ARID1B: variants seen among roughly 807,000 people sequenced by gnomAD.
The protein encoded by ARID1B is AT-rich interactive domain-containing protein 1B.
ARID1B carries 30 observed loss-of-function variants against 212.3 expected under a neutral mutation model. The ratio of observed to expected loss-of-function variants is 0.14; its 90% CI spans 0.11 to 0.19. The LOEUF (loss-of-function observed/expected upper bound fraction) is 0.19. ARID1B is among the 10% of genes least tolerant of loss of function. The pLI, the probability that ARID1B is intolerant of heterozygous loss-of-function variation, is 1.00. For synonymous variants in ARID1B, 1,402 were observed against 1,301.7 expected, an observed-to-expected ratio of 1.08 and a Z score of -1.66; for missense variants, 2,891 against 3,204.0, an observed-to-expected ratio of 0.90 and a Z score of 2.36.
intron 9 of ARID1B, among the ~76,000 whole-genome samples, chr6:157,170,498 C>T (rs553088163): frequency 1.3e-5 from 2 of 152,300 alleles, no homozygotes; most frequent in South Asian, 2.1e-4. Flanking sequence ...AATTGCTGCC[C>T]TCCCACCATA....
At chr6:157,147,800 T>C (rs188936585) in intron 7 of ARID1B, among the ~76,000 whole-genome samples, 34 of 2,980 alleles carry the variant, frequency 0.011, no homozygotes, top group Admixed American at 0.024. Context: ...GTCCCTCACC[T>C]CCGCCTCCGG....
chr6:156,778,895 A>AGGAGGCAGC lies in ARID1B; in HGVS notation c.1220_1221insCAGCGGAGG (p.Gly407_Gly408insSerGlyGly). 1 of 1,339,626 alleles carries AGGAGGCAGC rather than the reference A, an allele frequency of 7.5e-7. No homozygotes were observed. The highest frequency in any genetic ancestry group is 9.6e-7 in the Non-Finnish European group (1 of 1,045,954). The allele number at this position is 1,339,626 out of a possible 1,614,324, so 83.0% of individuals were successfully genotyped here. On this transcript the variant is annotated inframe_insertion, in exon 1 of 20. Transcript: ENST00000636930. ...GCGGAGGAGGAGGAGGCAGCGGAGGAGGAGGAGGAGGAGGAGGAGCAGGAG... is the reference window on the plus strand; with the variant it reads ...GCGGAGGAGGAGGAGGCAGCGGAGGAGGAGGCAGCGGAGGAGGAGGAGGAGGAGCAGGAG...
chr6:157,052,359 C>A (rs1252132732), intron 4 of ARID1B, among the ~76,000 whole-genome samples: 1 of 152,162 alleles, frequency 6.6e-6, no homozygotes, highest in Non-Finnish European at 1.5e-5. Flanking sequence ...ACCAAGTCGG[C>A]CTGTTGGACT....
At chr6:156,935,796 A>ACTG in intron 4 of ARID1B, 1 of 456,614 alleles carries the variant, frequency 2.2e-6, no homozygotes, top group South Asian at 2.5e-5. Context: ...GAGTGTAGAC[A>ACTG]TCAGTTGGAA....
At chr6:157,195,487 T>G (rs1246890891) in intron 15 of ARID1B, 1 of 152,274 alleles carries the variant, frequency 6.6e-6, no homozygotes, top group Non-Finnish European at 1.5e-5. Context: ...AAGGGCTACC[T>G]GGACAATCTC....
chr6:157,176,905 T>G (rs558879082), intron 11 of ARID1B, among the ~76,000 whole-genome samples: 1 of 152,342 alleles, frequency 6.6e-6, no homozygotes, highest in South Asian at 2.1e-4. Context: ...TAGACCATAT[T>G]ATATTGTTTA....
chr6:156,783,139 A>G (rs1036513824), intron 1 of ARID1B, among the ~76,000 whole-genome samples: 4 of 151,878 alleles, frequency 2.6e-5, no homozygotes, highest in African/African-American at 9.7e-5. Context: ...CTGCTTGTCT[A>G]TATTTAGTCA....
In ARID1B at chr6:157,086,579, G is replaced by A. The variant is rs190204932; in HGVS notation, c.2491+1674G>A. Among the ~76,000 whole-genome samples the A allele has an allele frequency of 6.1e-3, 928 of 152,300 alleles. 12 individuals carry two copies. The highest frequency in any genetic ancestry group is 0.021 in the African/African-American group (861 of 41,544). On this transcript the variant is annotated intron_variant, in intron 5 of 19. Coordinates refer to ENST00000636930, the MANE Select transcript of ARID1B (RefSeq NM_001374828.1). ...CTTTCTTGAGGTATAAAGATATAAT[G>A]CTTTTAAATTTTAAATTCCTGACAT... is the stretch of plus-strand genomic sequence containing the variant.
chr6:156,786,509 A>G (rs1360673229), intron 1 of ARID1B, among the ~76,000 whole-genome samples: 1 of 152,180 alleles, frequency 6.6e-6, no homozygotes, highest in Non-Finnish European at 1.5e-5. Flanking sequence ...TTGGAATTGT[A>G]CTGGAATTGC....
At chr6:156,950,162 A>G (rs1229096535) in intron 4 of ARID1B, among the ~76,000 whole-genome samples, 1 of 152,214 alleles carries the variant, frequency 6.6e-6, no homozygotes, top group African/African-American at 2.4e-5. Flanking sequence ...ATTTCAGCTC[A>G]TGGTATTACT....
At chr6:157,154,589 T>TG (rs1283542131) in intron 8 of ARID1B, among the ~76,000 whole-genome samples, 9 of 146,070 alleles carry the variant, frequency 6.2e-5, no homozygotes, top group African/African-American at 2.0e-4. Context: ...TGTTTTTTTT[T>TG]TTTTTTTTTG....
At position 156,778,822 on chromosome 6, in the gene ARID1B, A is replaced by G; in HGVS notation, c.1142A>G (p.Tyr381Cys). The G allele has an allele frequency of 6.9e-7, 1 of 1,450,126 alleles. No individual in the cohort carries two copies. The highest frequency in any genetic ancestry group is 1.4e-5 in the South Asian group (1 of 73,964). 89.8% of individuals were successfully genotyped at this position (1,450,126 alleles called of 1,614,324 possible). A position where few individuals can be genotyped will look rare whatever the true frequency, so the allele number is the denominator to read the frequency against. The change falls in exon 1 of 20, where the codon TAT (tyrosine) becomes TGT (cysteine). Residue 381 changes from tyrosine to cysteine, a missense_variant. Physicochemically the swap from Tyr to Cys is radical, Grantham distance 194 (BLOSUM62 -2). Around this residue, in one of 7 missense-constraint regions of ARID1B, gnomAD observed 1,643 missense variants for 1,544.0 expected, o/e 1.06. Coordinates refer to ENST00000636930, the MANE Select transcript of ARID1B (RefSeq NM_001374828.1). The stretch of plus-strand genomic sequence containing the variant: ...TACCCCAACAGCCAGTGCAACCATT[A>G]TCCGGGCTACAGCCGGCCCGGCGCG... ...EGYPNSQCNHYPGYSRPGAGG... is the reference protein window; with the variant it reads ...EGYPNSQCNHCPGYSRPGAGG...
intron 7 of ARID1B, 120 bp downstream of exon 7, chr6:157,133,327 C>A: frequency 8.3e-7 from 1 of 1,202,778 alleles, no homozygotes; most frequent in African/African-American, 1.5e-5. Context: ...TGTTACCTGA[C>A]AGGTTTGTGA....
At chr6:156,794,884 A>G (rs371967735) in intron 1 of ARID1B, among the ~76,000 whole-genome samples, 1 of 152,240 alleles carries the variant, frequency 6.6e-6, no homozygotes. Context: ...CACCTGGCCC[A>G]CATTCTTATA....
intron 2 of ARID1B, chr6:156,871,755 A>G: frequency 7.2e-7 from 1 of 1,384,228 alleles, no homozygotes; most frequent in African/African-American, 1.4e-5. Context: ...CTGCAGGAAC[A>G]GGGGCTTCTT....
intron 2 of ARID1B, among the ~76,000 whole-genome samples, chr6:156,881,376 C>T (rs1583207158): frequency 6.6e-6 from 1 of 152,238 alleles, no homozygotes; most frequent in South Asian, 2.1e-4. Flanking sequence ...ATAATTTCTA[C>T]TAGTTTTTGT....
intron 2 of ARID1B, among the ~76,000 whole-genome samples, chr6:156,897,667 A>AAT (rs372208142): frequency 0.012 from 1,830 of 150,848 alleles, 20 homozygotes; most frequent in South Asian, 0.024. Context: ...GGTTTTAAAA[A>AAT]ATATATATAT....
chr6:157,009,767 T>C (rs186266994), intron 4 of ARID1B, among the ~76,000 whole-genome samples: 141 of 152,378 alleles, frequency 9.3e-4, no homozygotes, highest in Admixed American at 3.3e-3. Context: ...CTGTGCTATA[T>C]AGTTACTTCT....
chr6:156,842,373 C>T (rs1446127919), intron 2 of ARID1B, among the ~76,000 whole-genome samples: 1 of 152,114 alleles, frequency 6.6e-6, no homozygotes, highest in Non-Finnish European at 1.5e-5. Context: ...AATATGTGAC[C>T]TTTTGTGTCT....
Sources: allele counts gnomAD v4.1 joint callset (sites outside exome capture counted in the v4.1 genomes callset), GRCh38; gene constraint gnomAD v4.1.1; regional missense constraint gnomAD v4.1.1; transcripts MANE v1.5; gene names NCBI Gene and HGNC (gene_info 2026-07-23, HGNC 2026-07-21).